FBXO10: variants seen among roughly 807,000 people sequenced by gnomAD.
FBXO10 encodes F-box protein 10.
FBXO10 carries 39 observed loss-of-function variants against 80.7 expected under a neutral mutation model. The ratio of observed to expected loss-of-function variants is 0.48; its 90% CI spans 0.37 to 0.63. FBXO10 has a LOEUF of 0.63. Ranked by LOEUF, FBXO10 falls within the 30% of genes least tolerant of loss-of-function variation. The probability of loss-of-function intolerance (pLI) is 0.00; values close to 1 mark genes in which losing one functional copy is unlikely to be tolerated. For synonymous variants in FBXO10, 449 were observed against 489.6 expected (o/e 0.92, Z 1.09); for missense variants, 1,025 against 1,269.0 (o/e 0.81, Z 2.92).
chr9:37,523,452 G>C (rs1037448457), intron 6 of FBXO10, among the ~76,000 whole-genome samples: 32 of 152,106 alleles, frequency 2.1e-4, no homozygotes, highest in African/African-American at 7.0e-4. Context: ...TTCTTGGGAG[G>C]CTGGGTGGGA....
At chr9:37,525,524 C>G (rs1290586948) in intron 5 of FBXO10, among the ~76,000 whole-genome samples, 2 of 152,152 alleles carry the variant, frequency 1.3e-5, no homozygotes, top group African/African-American at 2.4e-5. Flanking sequence ...CCTCACTTGA[C>G]TGTCATCTAC....
intron 2 of FBXO10, among the ~76,000 whole-genome samples, chr9:37,539,355 G>C (rs75895478): frequency 0.026 from 3,897 of 152,270 alleles, 69 homozygotes; most frequent in Middle Eastern, 0.071. Context: ...AAATCGCCTT[G>C]GCCTTTGCAT....
intron 1 of FBXO10, among the ~76,000 whole-genome samples, chr9:37,550,633 C>T (rs1822176959): frequency 1.3e-5 from 2 of 151,778 alleles, no homozygotes; most frequent in Admixed American, 6.6e-5. Flanking sequence ...GCCTGCACCA[C>T]ACACCTGGCT....
Position 37,532,053 on chromosome 9 carries a change from G to A in FBXO10, c.1425C>T (p.Ile475=). The A allele has an allele frequency of 6.2e-7, 1 of 1,613,192 alleles. No homozygotes were observed. The highest frequency in any genetic ancestry group is 8.5e-7 in the Non-Finnish European group (1 of 1,179,418). ...AGCGGTAAATGTCGTTCCTGAGCATGATGATCTAAGCAGAAAAGAGAAAGC... is the reference window on the plus strand; with the variant it reads ...AGCGGTAAATGTCGTTCCTGAGCATAATGATCTAAGCAGAAAAGAGAAAGC... ...AVRCIHNSKI[I]MLRNDIYRCR... is the part of the protein sequence containing the mutation. The change falls in exon 4 of 11, where the codon ATC becomes ATT. Residue 475 remains isoleucine, a synonymous_variant. Coordinates refer to ENST00000432825, the MANE Select transcript of FBXO10 (RefSeq NM_012166.3).
intron 9 of FBXO10, among the ~76,000 whole-genome samples, chr9:37,516,402 A>AG (rs1821179066): frequency 6.6e-6 from 1 of 152,216 alleles, no homozygotes; most frequent in Admixed American, 6.5e-5. Flanking sequence ...CTGGCAACCC[A>AG]ACTGAGACGA....
intron 8 of FBXO10, among the ~76,000 whole-genome samples, chr9:37,519,977 C>CA (rs1178123043): frequency 1.3e-5 from 2 of 152,144 alleles, no homozygotes; most frequent in African/African-American, 4.8e-5. Flanking sequence ...CATGTACCAC[C>CA]ATGCCCAGCT....
chr9:37,554,015 C>G (rs1368367636), intron 1 of FBXO10, among the ~76,000 whole-genome samples: 2 of 151,620 alleles, frequency 1.3e-5, no homozygotes. Flanking sequence ...AGTATAATAT[C>G]CCACTAGCAT....
intron 4 of FBXO10, among the ~76,000 whole-genome samples, chr9:37,531,205 T>C (rs1247940656): frequency 2.0e-5 from 3 of 152,194 alleles, no homozygotes; most frequent in Admixed American, 2.0e-4. Flanking sequence ...GTATTAATGG[T>C]GGCTATTATT....
chr9:37,573,347 G>T (rs961403282), intron 1 of FBXO10, among the ~76,000 whole-genome samples: 1 of 152,120 alleles, frequency 6.6e-6, no homozygotes, highest in Non-Finnish European at 1.5e-5. Context: ...CTCAACAAAA[G>T]CCCAGAGTGA....
intron 1 of FBXO10, among the ~76,000 whole-genome samples, chr9:37,553,012 TTGTGTGTGTGTGTGTGTG>T (rs74171513): frequency 1.9e-4 from 28 of 144,472 alleles, no homozygotes; most frequent in East Asian, 4.2e-4. Flanking sequence ...CCAATTCAGG[TTGTGTGTGTGTGTGTGTG>T]TGTGTGTGTG....
At position 37,541,684 on chromosome 9, in the gene FBXO10, C is replaced by A. The variant is rs1429898358; in HGVS notation, c.85G>T (p.Val29Leu). Residue 29 changes from valine (V) to leucine (L), a missense_variant, in exon 2 of 11, where the codon GTA becomes TTA. Val to Leu is a conservative substitution (Grantham distance 32). This residue lies in a region of FBXO10 where 450 missense variants were observed against 499.4 expected (regional missense o/e 0.90). Transcript: ENST00000432825. Reference protein sequence around the residue: ...HLPDLGRCSLVCRAWYELILS... With the variant: ...HLPDLGRCSLLCRAWYELILS... ...ATCAGTTCATACCAGGCCCTGCATA[C>A]CAGGCTGCAGCGGCCCAGGTCGGGA... The A allele has an allele frequency of 6.2e-7, 1 of 1,613,942 alleles. No homozygotes were observed. The highest frequency in any genetic ancestry group is 8.5e-7 in the Non-Finnish European group (1 of 1,179,892).
chr9:37,560,338 T>A lies in FBXO10; in HGVS notation c.-7+15873A>T, dbSNP rs962733914. 9.2e-5 allele frequency among the ~76,000 whole-genome samples: 14 copies of A among 151,632 alleles called. No individual in the cohort carries two copies. In the South Asian group the frequency reaches 1.0e-3, roughly 11 times the overall value. On this transcript the variant is annotated intron_variant, in intron 1 of 10. Coordinates refer to ENST00000432825, the MANE Select transcript of FBXO10 (RefSeq NM_012166.3). Reference sequence around the variant, plus strand: ...CTACTGGAGCTTCGGTTTCTTGGGGTTCCAAGAAGCCCACCTATAGTAGGA... The same window carrying A: ...CTACTGGAGCTTCGGTTTCTTGGGGATCCAAGAAGCCCACCTATAGTAGGA...
Position 37,562,618 on chromosome 9 carries a change from G to A in FBXO10, c.-7+13593C>T, listed in dbSNP as rs577142261. Among the ~76,000 whole-genome samples the A allele has an allele frequency of 4.6e-5, 7 of 152,298 alleles. No homozygotes were observed. In the South Asian group the frequency reaches 1.0e-3, roughly 23 times the overall value. On this transcript the variant is annotated intron_variant, in intron 1 of 10. Coordinates refer to ENST00000432825, the MANE Select transcript of FBXO10 (RefSeq NM_012166.3). Reference sequence around the variant, plus strand: ...CACTATGCCCAGAACTATGCCTGGCGCATAGCAGGTGCTCAACAATCATTT... The same window carrying A: ...CACTATGCCCAGAACTATGCCTGGCACATAGCAGGTGCTCAACAATCATTT...
intron 1 of FBXO10, among the ~76,000 whole-genome samples, chr9:37,557,180 T>C (rs1351368151): frequency 6.6e-6 from 1 of 152,152 alleles, no homozygotes; most frequent in Non-Finnish European, 1.5e-5. Context: ...TGCCAATAAG[T>C]GATGATTTAT....
intron 1 of FBXO10, among the ~76,000 whole-genome samples, chr9:37,563,647 T>C (rs930647234): frequency 3.9e-5 from 6 of 152,184 alleles, no homozygotes; most frequent in African/African-American, 1.2e-4. Flanking sequence ...ACTCTTGCTA[T>C]GCAAAGAGAC....
At position 37,532,048 on chromosome 9, in the gene FBXO10, A is replaced by G; in HGVS notation, c.1430T>C (p.Leu477Pro). The G allele has an allele frequency of 6.2e-7, 1 of 1,613,608 alleles. No homozygotes were observed. The highest frequency in any genetic ancestry group is 8.5e-7 in the Non-Finnish European group (1 of 1,179,614). Reference sequence around the variant, plus strand: ...TCGGCAGCGGTAAATGTCGTTCCTGAGCATGATGATCTAAGCAGAAAAGAG... The same window carrying G: ...TCGGCAGCGGTAAATGTCGTTCCTGGGCATGATGATCTAAGCAGAAAAGAG... ...RCIHNSKIIM[L>P]RNDIYRCRAS... Residue 477 changes from leucine (L) to proline (P), a missense_variant, in exon 4 of 11, where the codon CTC becomes CCC. Transcript: ENST00000432825.
chr9:37,555,491 C>T (rs934819555), intron 1 of FBXO10, among the ~76,000 whole-genome samples: 4 of 152,092 alleles, frequency 2.6e-5, no homozygotes, highest in African/African-American at 9.7e-5. Flanking sequence ...AGCGATTCTC[C>T]TGCCTCAGCC....
rs761913365 is a variant in FBXO10 at position 37,512,659 on chromosome 9, C to T, written c.2759G>A (p.Arg920His). 5.1e-5 allele frequency: 82 copies of T among 1,613,848 alleles called. No individual in the cohort carries two copies. Among genetic ancestry groups the T allele is most frequent in the Middle Eastern group, 1.6e-4 (1 of 6,082 alleles). Residue 920 changes from arginine (R) to histidine (H), a missense_variant, in exon 11 of 11, where the codon CGT becomes CAT. By Grantham distance (29) the Arg-to-His change is conservative. Coordinates refer to ENST00000432825, the MANE Select transcript of FBXO10 (RefSeq NM_012166.3). ...ARPHLENSLR[R>H]PSAAHNGQKV... ...CTGCCCATTGTGGGCTGCCGAGGGA[C>T]GTCTGAGAGAATTTTCAAGGTGGGG...
At chr9:37,561,876 T>C (rs747984018) in intron 1 of FBXO10, among the ~76,000 whole-genome samples, 59 of 152,290 alleles carry the variant, frequency 3.9e-4, no homozygotes, top group Admixed American at 1.2e-3. Flanking sequence ...GGAAGTGACA[T>C]TTGAATAGAG....
Sources: gnomAD v4.1 joint callset for allele counts (sites outside exome capture counted in the v4.1 genomes callset) on GRCh38, gnomAD v4.1.1 for gene constraint, gnomAD v4.1.1 regional missense constraint, MANE v1.5 for transcripts, NCBI Gene and HGNC (gene_info 2026-07-23, HGNC 2026-07-21) for gene names.